The following ERI3 variants were observed in gnomAD, a reference collection of about 807,000 sequenced individuals.
ERI3 encodes ERI1 exoribonuclease family member 3.
Under a neutral mutation model 44.4 loss-of-function variants are expected in ERI3, and 18 were observed. That is an observed-to-expected ratio of 0.41 (90% CI 0.28 to 0.60). ERI3 has a LOEUF of 0.60. Among genes scored for constraint, ERI3 ranks in the 20% least tolerant of loss-of-function variants. The probability of loss-of-function intolerance (pLI) is 0.36; values close to 1 mark genes in which losing one functional copy is unlikely to be tolerated. For synonymous variants in ERI3, 183 were observed against 164.8 expected (o/e 1.11, Z -0.84); for missense variants, 294 against 435.5 (o/e 0.68, Z 2.89).
intron 5 of ERI3, among the ~76,000 whole-genome samples, chr1:44,310,029 C>A (rs543581890): frequency 1.4e-4 from 22 of 152,268 alleles, no homozygotes; most frequent in Admixed American, 7.8e-4. Context: ...CCTCAGTTTC[C>A]TTCATCTATA....
chr1:44,292,738 A>G (rs1462395289), intron 6 of ERI3, among the ~76,000 whole-genome samples: 2 of 152,160 alleles, frequency 1.3e-5, no homozygotes, highest in Non-Finnish European at 2.9e-5. Flanking sequence ...TTGCCCCCAC[A>G]CTTGCCCCCT....
At chr1:44,236,175 TC>T (rs1199811517) in intron 8 of ERI3, among the ~76,000 whole-genome samples, 1 of 152,020 alleles carries the variant, frequency 6.6e-6, no homozygotes, top group Non-Finnish European at 1.5e-5. Context: ...CCTAGCTGCC[TC>T]CCCCTGCCCT....
At position 44,228,692 on chromosome 1, in the gene ERI3, A is replaced by AG. The variant is rs1373242202; in HGVS notation, c.932-7053dup. On this transcript the variant is annotated intron_variant, in intron 8 of 8. Transcript: ENST00000372257. This position sits in a 1 kb window ranked among gnomAD's most constrained non-coding sequence, Gnocchi z 4.3. ...CAGCCACTTGGGGGCAGTGGGGTGG[A>AG]GGGGGGGATGTGCCTGGCCGGGAGG... 6.6e-6 allele frequency among the ~76,000 whole-genome samples: 1 copy of AG among 151,958 alleles called. No homozygotes were observed. Among genetic ancestry groups the AG allele is most frequent in the Non-Finnish European group, 1.5e-5 (1 of 67,960 alleles).
At chr1:44,303,805 T>C (rs1645777110) in intron 6 of ERI3, among the ~76,000 whole-genome samples, 2 of 151,864 alleles carry the variant, frequency 1.3e-5, no homozygotes, top group Admixed American at 1.3e-4. Context: ...AGCCGAGGGG[T>C]GACATAATCT....
chr1:44,354,724 T>A, intron 1 of ERI3, 168 bp downstream of exon 1: 1 of 985,364 alleles, frequency 1.0e-6, no homozygotes, highest in Non-Finnish European at 1.2e-6. Flanking sequence ...CTTGCAAAGC[T>A]CTGCCCCGCT....
chr1:44,238,325 C>CCCCTGCGGG (rs1352190541), intron 8 of ERI3, among the ~76,000 whole-genome samples: 1 of 152,048 alleles, frequency 6.6e-6, no homozygotes, highest in African/African-American at 2.4e-5. Flanking sequence ...CAGGGGCTCC[C>CCCCTGCGGG]CCCTGCGGCA....
chr1:44,304,659 C>G (rs1254624997), intron 6 of ERI3, among the ~76,000 whole-genome samples: 2 of 152,154 alleles, frequency 1.3e-5, no homozygotes, highest in Non-Finnish European at 2.9e-5. Flanking sequence ...CAGGTAGCAG[C>G]AGTCTCTTCA....
chr1:44,309,941 C>G lies in ERI3; in HGVS notation c.667-1540G>C, dbSNP rs1429765058. ...AAGTCAGACACATCTGGATTCCAAC[C>G]CTCCAACCCTTGGCTATTCCATATC... On this transcript the variant is annotated intron_variant, in intron 5 of 8. Transcript: ENST00000372257. 2.6e-5 allele frequency among the ~76,000 whole-genome samples: 4 copies of G among 152,018 alleles called. No individual in the cohort carries two copies. The East Asian group carries it at 7.7e-4, about 29-fold the overall frequency.
intron 6 of ERI3, among the ~76,000 whole-genome samples, chr1:44,297,081 C>T (rs1051296786): frequency 6.6e-6 from 1 of 152,078 alleles, no homozygotes; most frequent in Admixed American, 6.5e-5. Context: ...GGGCTGCCTG[C>T]GAGAAAGAAA....
At chr1:44,257,168 T>C (rs1644798309) in intron 7 of ERI3, among the ~76,000 whole-genome samples, 1 of 152,178 alleles carries the variant, frequency 6.6e-6, no homozygotes, top group Non-Finnish European at 1.5e-5. Flanking sequence ...TGCATAACGA[T>C]ATAATGATAT....
chr1:44,253,161 A>G (rs942438735), intron 7 of ERI3, among the ~76,000 whole-genome samples: 7 of 152,234 alleles, frequency 4.6e-5, no homozygotes, highest in African/African-American at 4.8e-5. Context: ...ACAGCTGGTG[A>G]GCCAAATACC....
chr1:44,322,853 G>A, intron 3 of ERI3: 2 of 1,548,008 alleles, frequency 1.3e-6, no homozygotes, highest in Non-Finnish European at 1.7e-6. Context: ...CAGGGCACCT[G>A]AAGCATGACA....
Position 44,221,779 on chromosome 1 carries a change from G to A in ERI3, c.932-139C>T. ...TTAGAGAGGGTGGTCCCATCCCCTG[G>A]TGGCAGCATTCCTAGCTTCAGGTTG... is the stretch of plus-strand genomic sequence containing the variant. On this transcript the variant is annotated intron_variant, in intron 8 of 8. Transcript: ENST00000372257. This position sits in a 1 kb window ranked among gnomAD's most constrained non-coding sequence, Gnocchi z 5.9. 3.0e-6 allele frequency: 2 copies of A among 668,700 alleles called. No homozygotes were observed. The highest frequency in any genetic ancestry group is 2.8e-5 in the East Asian group (1 of 36,344). The allele number at this position is 668,700 out of a possible 1,614,324, so 41.4% of individuals were successfully genotyped here.
intron 7 of ERI3, among the ~76,000 whole-genome samples, chr1:44,283,024 A>G (rs769376810): frequency 9.2e-5 from 14 of 152,060 alleles, no homozygotes; most frequent in Non-Finnish European, 1.6e-4. Flanking sequence ...CTATCCATAC[A>G]CCAAAAAGTC....
At chr1:44,304,459 A>G (rs371605227) in intron 6 of ERI3, among the ~76,000 whole-genome samples, 128 of 152,320 alleles carry the variant, frequency 8.4e-4, no homozygotes, top group South Asian at 2.9e-3. Flanking sequence ...ACATAACAAA[A>G]GTACAGATAA....
intron 3 of ERI3, among the ~76,000 whole-genome samples, chr1:44,331,326 G>A (rs1026234082): frequency 2.0e-5 from 3 of 151,640 alleles, no homozygotes; most frequent in Non-Finnish European, 4.4e-5. Flanking sequence ...TAAGCAGGGG[G>A]AAGGTGAAGG....
rs115448784 is a variant in ERI3 at position 44,309,984 on chromosome 1, G to A, written c.667-1583C>T. ...TCCATATCCTGGCTGTGTCACTGAT[G>A]GGGAGTCATTTAAAAGTCATGTAAC... On this transcript the variant is annotated intron_variant, in intron 5 of 8. Coordinates refer to ENST00000372257, the MANE Select transcript of ERI3 (RefSeq NM_024066.3). Among the ~76,000 whole-genome samples the A allele has an allele frequency of 9.4e-3, 1,435 of 152,238 alleles. 28 individuals carry two copies. Among genetic ancestry groups the A allele is most frequent in the African/African-American group, 0.033 (1,366 of 41,520 alleles).
chr1:44,285,732 T>G (rs145973321), intron 6 of ERI3, among the ~76,000 whole-genome samples: 278 of 152,276 alleles, frequency 1.8e-3, no homozygotes, highest in Non-Finnish European at 3.3e-3. Context: ...AGGGCTCAGT[T>G]TGTTCAGAGG....
chr1:44,260,339 A>G (rs1483246523), intron 7 of ERI3, among the ~76,000 whole-genome samples: 1 of 152,236 alleles, frequency 6.6e-6, no homozygotes, highest in Non-Finnish European at 1.5e-5. Flanking sequence ...CTCACTGCAC[A>G]GGCAGCAATT....
Sources: allele counts gnomAD v4.1 joint callset (sites outside exome capture counted in the v4.1 genomes callset), GRCh38; gene constraint gnomAD v4.1.1; non-coding constraint Gnocchi (gnomAD v3.1); transcripts MANE v1.5; gene names NCBI Gene and HGNC (gene_info 2026-07-23, HGNC 2026-07-21).